Variants in GRM5 observed in about 807,000 individuals in gnomAD.
The protein encoded by GRM5 is metabotropic glutamate receptor 5.
A neutral mutation model predicts 83.1 loss-of-function variants in GRM5; 19 were observed. The observed-to-expected ratio is 0.23, with a 90% CI of 0.16 to 0.34. The LOEUF is 0.34. GRM5 is among the 10% of genes least tolerant of loss of function. GRM5 has a pLI of 1.00. For synonymous variants in GRM5, 675 were observed against 633.6 expected, an observed-to-expected ratio of 1.07 and a Z score of -0.98; for missense variants, 1,160 against 1,588.3, an observed-to-expected ratio of 0.73 and a Z score of 4.58.
chr11:88,589,163 A>C (rs1193491740), intron 7 of GRM5, among the ~76,000 whole-genome samples: 2 of 152,146 alleles, frequency 1.3e-5, no homozygotes, highest in Non-Finnish European at 2.9e-5. Context: ...TATAAAGAAA[A>C]GATAGGAATA....
At chr11:88,572,319 G>T (rs1286809283) in intron 7 of GRM5, among the ~76,000 whole-genome samples, 1 of 152,096 alleles carries the variant, frequency 6.6e-6, no homozygotes, top group Non-Finnish European at 1.5e-5. Context: ...GAGAGGGAGA[G>T]AATATGTCAG....
intron 3 of GRM5, among the ~76,000 whole-genome samples, chr11:88,710,853 A>G (rs1941266092): frequency 6.6e-6 from 1 of 152,054 alleles, no homozygotes; most frequent in African/African-American, 2.4e-5. Flanking sequence ...AAAAAGGCTC[A>G]TGTGACAGTA....
intron 2 of GRM5, among the ~76,000 whole-genome samples, chr11:88,966,695 C>A (rs1246108251): frequency 6.6e-6 from 1 of 152,118 alleles, no homozygotes; most frequent in East Asian, 1.9e-4. Context: ...AAGGTGAGTA[C>A]TCATAACCTC....
rs1941238074 is a variant in GRM5, at chr11:88,508,412, GTCGTCGGTTTCT to G, written c.*168_*179del. Reference sequence around the variant, plus strand: ...TAGAAGAAAATCTGCCAAAAGATTTGTCGTCGGTTTCTTCGTCGGTTGTCATGAGATAGCACT... The same window carrying G: ...TAGAAGAAAATCTGCCAAAAGATTTGTCGTCGGTTGTCATGAGATAGCACT... On this transcript the variant is annotated 3_prime_UTR_variant, in exon 10 of 10. Coordinates refer to ENST00000305447, the MANE Select transcript of GRM5 (RefSeq NM_001143831.3). This position sits in a 1 kb window ranked among gnomAD's most constrained non-coding sequence, Gnocchi z 4.2. The G allele has an allele frequency of 2.0e-6, 1 of 493,596 alleles. No homozygotes were observed. The highest frequency in any genetic ancestry group is 3.3e-5 in the South Asian group (1 of 29,928). The allele number at this position is 493,596 out of a possible 1,614,324, so 30.6% of individuals were successfully genotyped here.
intron 1 of GRM5, among the ~76,000 whole-genome samples, chr11:89,065,061 T>A (rs1008411861): frequency 6.6e-6 from 1 of 151,478 alleles, no homozygotes; most frequent in Non-Finnish European, 1.5e-5. Context: ...AGGTGTACCA[T>A]CTTTACATGA....
In GRM5 at chr11:89,011,117, C is replaced by G. The variant is rs1204393346; in HGVS notation, c.661+36095G>C. On this transcript the variant is annotated intron_variant, in intron 2 of 9. Coordinates refer to ENST00000305447, the MANE Select transcript of GRM5 (RefSeq NM_001143831.3). ...GTTAGAATCTGCTAACCTCAGTAAACAAAACCTCAGTTAGCTGTAATTAAT... is the reference window on the plus strand; with the variant it reads ...GTTAGAATCTGCTAACCTCAGTAAAGAAAACCTCAGTTAGCTGTAATTAAT... Among the ~76,000 whole-genome samples the G allele has an allele frequency of 2.6e-5, 4 of 152,176 alleles. No homozygotes were observed. The East Asian group carries it at 7.7e-4, about 29-fold the overall frequency.
At chr11:88,672,716 A>G (rs933668961) in intron 3 of GRM5, among the ~76,000 whole-genome samples, 1 of 152,018 alleles carries the variant, frequency 6.6e-6, no homozygotes, top group African/African-American at 2.4e-5. Context: ...ATAAAATTCT[A>G]GGCCATATTT....
At chr11:88,683,682 A>G (rs61902932) in intron 3 of GRM5, among the ~76,000 whole-genome samples, 1 of 152,344 alleles carries the variant, frequency 6.6e-6, no homozygotes, top group East Asian at 1.9e-4. Context: ...GAAATTCAAC[A>G]TCTACTTTAG....
intron 3 of GRM5, among the ~76,000 whole-genome samples, chr11:88,742,524 G>A (rs1591481500): frequency 6.6e-6 from 1 of 151,948 alleles, no homozygotes; most frequent in East Asian, 1.9e-4. Context: ...GCTTTAATTT[G>A]CTAACCAAGG....
At chr11:88,884,361 G>GA (rs1429211320) in intron 2 of GRM5, among the ~76,000 whole-genome samples, 1 of 152,114 alleles carries the variant, frequency 6.6e-6, no homozygotes, top group Admixed American at 6.6e-5. Flanking sequence ...CTTCCATTTT[G>GA]AATGTGTATA....
intron 2 of GRM5, among the ~76,000 whole-genome samples, chr11:88,871,879 G>A (rs1565270442): frequency 6.6e-6 from 1 of 150,838 alleles, no homozygotes; most frequent in East Asian, 2.0e-4. Context: ...GAGATAATAG[G>A]TTAGAAATAA....
At chr11:88,780,873 A>G (rs1942961490) in intron 3 of GRM5, among the ~76,000 whole-genome samples, 1 of 151,932 alleles carries the variant, frequency 6.6e-6, no homozygotes. Flanking sequence ...GCAAATTCCA[A>G]TTACCAAGGG....
intron 3 of GRM5, among the ~76,000 whole-genome samples, chr11:88,656,655 G>C (rs1255577007): frequency 6.6e-6 from 1 of 152,064 alleles, no homozygotes; most frequent in Admixed American, 6.6e-5. Flanking sequence ...TAAAGCTGAT[G>C]TGTTATCTAG....
chr11:88,780,797 C>T (rs983941535), intron 3 of GRM5, among the ~76,000 whole-genome samples: 7 of 152,026 alleles, frequency 4.6e-5, no homozygotes, highest in Non-Finnish European at 7.4e-5. Flanking sequence ...ATTACAGTCA[C>T]GAGCCACCAT....
In GRM5 at chr11:89,023,989, A is replaced by T. The variant is rs1310927643; in HGVS notation, c.661+23223T>A. Among the ~76,000 whole-genome samples, 3 of 152,068 alleles carry T rather than the reference A, an allele frequency of 2.0e-5. No homozygotes were observed. In the East Asian group the frequency reaches 5.8e-4, roughly 29 times the overall value. On this transcript the variant is annotated intron_variant, in intron 2 of 9. Coordinates refer to ENST00000305447, the MANE Select transcript of GRM5 (RefSeq NM_001143831.3). ...GCCTGTAATCCCAGCACTTTGAGAG[A>T]TGGATCACCTGAAGTCAGGAATTCA...
chr11:88,968,986 GTAT>G (rs1415263281), intron 2 of GRM5, among the ~76,000 whole-genome samples: 1 of 152,032 alleles, frequency 6.6e-6, no homozygotes, highest in East Asian at 1.9e-4. Flanking sequence ...TGTGGAAGGT[GTAT>G]TATAGACAGC....
intron 3 of GRM5, among the ~76,000 whole-genome samples, chr11:88,715,364 C>T (rs1499029): frequency 0.72 from 109,448 of 151,616 alleles, 39,837 homozygotes; most frequent in South Asian, 0.88. Flanking sequence ...GGATGCAGGT[C>T]TATCTGACTG....
intron 2 of GRM5, among the ~76,000 whole-genome samples, chr11:88,871,572 T>G (rs3913311): frequency 2.6e-5 from 4 of 151,536 alleles, no homozygotes; most frequent in African/African-American, 9.7e-5. Flanking sequence ...GTGCAAAGTT[T>G]GGATGAAGAA....
intron 1 of GRM5, among the ~76,000 whole-genome samples, chr11:89,064,189 G>T (rs560710182): frequency 6.6e-6 from 1 of 152,154 alleles, no homozygotes; most frequent in East Asian, 1.9e-4. Context: ...CTTTAAACTG[G>T]ATTGGCACTT....
Sources: gnomAD v4.1 joint callset for allele counts (sites outside exome capture counted in the v4.1 genomes callset) on GRCh38, gnomAD v4.1.1 for gene constraint, Gnocchi (gnomAD v3.1) non-coding constraint, MANE v1.5 for transcripts, NCBI Gene and HGNC (gene_info 2026-07-23, HGNC 2026-07-21) for gene names.